The following NT5DC1 variants were observed in gnomAD, a reference collection of about 807,000 sequenced individuals.
The protein encoded by NT5DC1 is 5'-nucleotidase domain-containing protein 1.
A neutral mutation model predicts 59.4 loss-of-function variants in NT5DC1; 42 were observed. The observed-to-expected ratio is 0.71, with a 90% CI of 0.55 to 0.92. NT5DC1 has a LOEUF of 0.92. NT5DC1 is among the 40% of genes least tolerant of loss of function. The pLI, the probability that NT5DC1 is intolerant of heterozygous loss-of-function variation, is 0.00. For missense variants in NT5DC1, 501 were observed against 537.1 expected (o/e 0.93, Z 0.66); for synonymous variants, 172 against 188.1 (o/e 0.91, Z 0.70).
intron 6 of NT5DC1, among the ~76,000 whole-genome samples, chr6:116,142,573 C>T (rs1779794529): frequency 6.6e-6 from 1 of 151,722 alleles, no homozygotes; most frequent in East Asian, 1.9e-4. Context: ...ACTTAATTTA[C>T]AGTGTGTGGT....
intron 6 of NT5DC1, among the ~76,000 whole-genome samples, chr6:116,185,140 A>G (rs962696872): frequency 6.6e-6 from 1 of 152,042 alleles, no homozygotes; most frequent in African/African-American, 2.4e-5. Context: ...TTCAGGAGCA[A>G]GTTATTTAAT....
intron 5 of NT5DC1, among the ~76,000 whole-genome samples, chr6:116,116,039 G>A (rs1336450884): frequency 6.6e-6 from 1 of 151,916 alleles, no homozygotes; most frequent in African/African-American, 2.4e-5. Context: ...TACAGAACTT[G>A]GATCTGGACA....
At chr6:116,164,439 T>C (rs923488112) in intron 6 of NT5DC1, among the ~76,000 whole-genome samples, 86 of 152,214 alleles carry the variant, frequency 5.6e-4, no homozygotes, top group African/African-American at 2.0e-3. Flanking sequence ...TTGCATGATA[T>C]ATCTTTCTCC....
At position 116,247,474 on chromosome 6, in the gene NT5DC1, G is replaced by A. The variant is rs1771872445; in HGVS notation, c.*3450G>A. 1 of 152,094 alleles carries A rather than the reference G, an allele frequency of 6.6e-6. No individual in the cohort carries two copies. The allele number at this position is 152,094 out of a possible 1,614,324, so 9.4% of individuals were successfully genotyped here. Reference sequence around the variant, plus strand: ...TTGGTAAATTTCCCTCACTGGTGCTGAAGTAACCAAAATGGGGAAGGAGTG... The same window carrying A: ...TTGGTAAATTTCCCTCACTGGTGCTAAAGTAACCAAAATGGGGAAGGAGTG... On this transcript the variant is annotated 3_prime_UTR_variant, in exon 12 of 12. Transcript: ENST00000319550.
At chr6:116,234,270 A>G (rs1485055521) in intron 8 of NT5DC1, among the ~76,000 whole-genome samples, 1 of 151,616 alleles carries the variant, frequency 6.6e-6, no homozygotes. Flanking sequence ...CTTCTAACAT[A>G]TTTTTAATTA....
intron 6 of NT5DC1, among the ~76,000 whole-genome samples, chr6:116,122,886 T>TC (rs1282488725): frequency 6.6e-6 from 1 of 152,170 alleles, no homozygotes; most frequent in Non-Finnish European, 1.5e-5. Context: ...CATAGAGCTT[T>TC]CCCCATGGAT....
At chr6:116,134,553 A>G (rs1270771299) in intron 6 of NT5DC1, among the ~76,000 whole-genome samples, 1 of 152,120 alleles carries the variant, frequency 6.6e-6, no homozygotes, top group Admixed American at 6.5e-5. Flanking sequence ...TCAGATTTCC[A>G]TGTTTATTGA....
At chr6:116,117,778 G>A (rs922471152) in intron 5 of NT5DC1, 83 bp from the exon 6 acceptor site, 3 of 737,432 alleles carry the variant, frequency 4.1e-6, no homozygotes, top group African/African-American at 3.5e-5. Flanking sequence ...GGGACTGTCT[G>A]CATTGTAATT....
intron 6 of NT5DC1, among the ~76,000 whole-genome samples, chr6:116,200,413 G>A (rs1252505471): frequency 2.0e-5 from 3 of 151,958 alleles, no homozygotes; most frequent in Non-Finnish European, 4.4e-5. Context: ...TAATAATAAT[G>A]TATTGGTATT....
chr6:116,245,349 C>T lies in NT5DC1; in HGVS notation c.*1325C>T, dbSNP rs370464713. ...TCATTATTTTACCTGGATTGAAGTGCAGAATTTGGCATATCGATGCATGCA... is the reference window on the plus strand; with the variant it reads ...TCATTATTTTACCTGGATTGAAGTGTAGAATTTGGCATATCGATGCATGCA... On this transcript the variant is annotated 3_prime_UTR_variant, in exon 12 of 12. Transcript: ENST00000319550. 6 of 152,426 alleles carry T rather than the reference C, an allele frequency of 3.9e-5. No individual in the cohort carries two copies. Among genetic ancestry groups the T allele is most frequent in the Admixed American group, 3.9e-4 (6 of 15,266 alleles). 9.4% of individuals were successfully genotyped at this position (152,426 alleles called of 1,614,324 possible). A position where few individuals can be genotyped will look rare whatever the true frequency, so the allele number is the denominator to read the frequency against.
intron 6 of NT5DC1, among the ~76,000 whole-genome samples, chr6:116,150,796 G>A (rs1780020031): frequency 6.6e-6 from 1 of 152,148 alleles, no homozygotes; most frequent in Admixed American, 6.5e-5. Context: ...AAGGAAGCTG[G>A]AGAACCTTGG....
chr6:116,187,714 A>G (rs1228655774), intron 6 of NT5DC1, among the ~76,000 whole-genome samples: 1 of 152,092 alleles, frequency 6.6e-6, no homozygotes, highest in East Asian at 1.9e-4. Context: ...TCAATTTCAC[A>G]TGGATTATAG....
intron 6 of NT5DC1, among the ~76,000 whole-genome samples, chr6:116,183,199 T>C (rs540293983): frequency 6.6e-6 from 1 of 152,298 alleles, no homozygotes; most frequent in East Asian, 1.9e-4. Context: ...TTTGGCTTTA[T>C]TTCTGGGTTC....
chr6:116,172,504 T>G (rs1780633842), intron 6 of NT5DC1, among the ~76,000 whole-genome samples: 1 of 151,800 alleles, frequency 6.6e-6, no homozygotes, highest in Non-Finnish European at 1.5e-5. Context: ...CTATTTTGAG[T>G]AGAGACAGGG....
intron 4 of NT5DC1, among the ~76,000 whole-genome samples, chr6:116,111,868 T>G (rs1381339884): frequency 6.6e-6 from 1 of 152,234 alleles, no homozygotes; most frequent in Non-Finnish European, 1.5e-5. Context: ...TTTGTATACC[T>G]ATCAAGTCAG....
chr6:116,178,116 T>C (rs1014726826), intron 6 of NT5DC1, among the ~76,000 whole-genome samples: 362 of 148,824 alleles, frequency 2.4e-3, no homozygotes, highest in African/African-American at 8.6e-3. Flanking sequence ...CGTGCGTGTG[T>C]GTGTGTGTGT....
chr6:116,199,957 C>A (rs976047710), intron 6 of NT5DC1, among the ~76,000 whole-genome samples: 3 of 149,848 alleles, frequency 2.0e-5, no homozygotes, highest in African/African-American at 7.5e-5. Flanking sequence ...TTAAGGGTAG[C>A]CTGTGCATTG....
chr6:116,184,499 A>G (rs891686568), intron 6 of NT5DC1, among the ~76,000 whole-genome samples: 18 of 152,078 alleles, frequency 1.2e-4, no homozygotes, highest in African/African-American at 1.7e-4. Flanking sequence ...GCATTCAGCT[A>G]TGAATCCGTC....
At chr6:116,207,845 A>C (rs1219692984) in intron 6 of NT5DC1, among the ~76,000 whole-genome samples, 1 of 151,926 alleles carries the variant, frequency 6.6e-6, no homozygotes, top group Non-Finnish European at 1.5e-5. Context: ...TCTGTGCCTC[A>C]TTACTGATCA....
Sources: allele counts gnomAD v4.1 joint callset (sites outside exome capture counted in the v4.1 genomes callset), GRCh38; gene constraint gnomAD v4.1.1; transcripts MANE v1.5; gene names NCBI Gene and HGNC (gene_info 2026-07-23, HGNC 2026-07-21).